Variants in DOK4 observed in about 807,000 individuals in gnomAD.
DOK4 encodes downstream of tyrosine kinase 4.
Under a neutral mutation model 40.1 loss-of-function variants are expected in DOK4, and 26 were observed. The ratio of observed to expected loss-of-function variants is 0.65; its 90% CI spans 0.48 to 0.90. The LOEUF (loss-of-function observed/expected upper bound fraction) is 0.90. Ranked by LOEUF, DOK4 falls within the 40% of genes least tolerant of loss-of-function variation. DOK4 has a pLI of 0.00. For missense variants in DOK4, 392 were observed against 437.2 expected (o/e 0.90, Z 0.92); for synonymous variants, 179 against 177.0 (o/e 1.01, Z -0.09).
chr16:57,484,984 C>T (rs944995290), intron 1 of DOK4, among the ~76,000 whole-genome samples: 12 of 152,212 alleles, frequency 7.9e-5, no homozygotes, highest in African/African-American at 2.7e-4. Flanking sequence ...GAAGGAGATG[C>T]TCAATATTTG....
chr16:57,472,707 G>A (rs1399356087), exon 9 of DOK4: 1 of 152,412 alleles, frequency 6.6e-6, no homozygotes, highest in Non-Finnish European at 1.5e-5. Flanking sequence ...GCAGGAAGGA[G>A]CCTGTGCAGA....
chr16:57,475,549 G>T (rs375338208), exon 4 of DOK4: 1 of 1,609,958 alleles, frequency 6.2e-7, no homozygotes, highest in Non-Finnish European at 8.5e-7. Flanking sequence ...CAGTGAATAT[G>T]ATGGCCACCG....
exon 9 of DOK4, chr16:57,473,462 T>G (rs746752097): frequency 6.2e-7 from 1 of 1,614,186 alleles, no homozygotes; most frequent in Non-Finnish European, 8.5e-7. Context: ...GAGGTCTGTT[T>G]CCGAGCTGGC....
exon 7 of DOK4, chr16:57,473,913 C>T (rs1335547810): frequency 1.1e-5 from 17 of 1,543,126 alleles, no homozygotes; most frequent in Non-Finnish European, 1.4e-5. Context: ...TCACGTTCTT[C>T]TCCATTTCCA....
At chr16:57,475,681 TCTCTCTCTCTC>T in intron 3 of DOK4, 61 bp from the exon 4 acceptor site, 1 of 879,028 alleles carries the variant, frequency 1.1e-6, no homozygotes, top group Non-Finnish European at 1.7e-6. Context: ...TCTCTCTCTC[TCTCTCTCTCTC>T]TCTCCCTCCC....
intron 7 of DOK4, 38 bp downstream of exon 7, chr16:57,473,863 C>T (rs760637754): frequency 1.9e-6 from 3 of 1,569,466 alleles, no homozygotes; most frequent in Admixed American, 1.8e-5. Flanking sequence ...CCCGTTCCCC[C>T]CTCCCCCCGT....
At position 57,473,512 on chromosome 16, in the gene DOK4, A is replaced by G. The variant is rs201608104; in HGVS notation, c.863-17T>C. ...ACCCCTCACCTGTGGGCACAGAAGC[A>G]GGCTCAGAACTCAGAGCTAGGTCAA... On this transcript the variant is annotated splice_polypyrimidine_tract_variant and intron_variant, in intron 8 of 8. Transcript: ENST00000340099. The G allele has an allele frequency of 7.0e-4, 1,126 of 1,614,200 alleles. 1 individual carries two copies. The highest frequency in any genetic ancestry group is 8.2e-4 in the Non-Finnish European group (970 of 1,180,016).
Position 57,479,613 on chromosome 16 carries a change from CGGGGCTGCCGCGA to C in DOK4, c.-119_-107del, listed in dbSNP as rs2031341284. 2.3e-6 allele frequency: 3 copies of C among 1,279,044 alleles called. No individual in the cohort carries two copies. The East Asian group carries it at 7.1e-5, about 30-fold the overall frequency. 79.2% of individuals were successfully genotyped at this position (1,279,044 alleles called of 1,614,324 possible). A position where few individuals can be genotyped will look rare whatever the true frequency, so the allele number is the denominator to read the frequency against. The stretch of plus-strand genomic sequence containing the variant: ...CAATCACCTGTTCCAGACACTCTGT[CGGGGCTGCCGCGA>C]GGGGCTGCTCCTCACCTCACCCGCC... On this transcript the variant is annotated 5_prime_UTR_variant, in exon 2 of 9. Transcript: ENST00000340099. The surrounding 1 kb of genome is among the most constrained non-coding windows in gnomAD (Gnocchi z 5.8).
At chr16:57,477,702 ACAGCTCTGCCG>A in intron 2 of DOK4, among the ~76,000 whole-genome samples, 1 of 152,296 alleles carries the variant, frequency 6.6e-6, no homozygotes, top group African/African-American at 2.4e-5. Flanking sequence ...ACACTCTGCC[ACAGCTCTGCCG>A]CGGGAGAAAG....
intron 2 of DOK4, among the ~76,000 whole-genome samples, chr16:57,477,738 G>A (rs2146645451): frequency 6.6e-6 from 1 of 152,318 alleles, no homozygotes; most frequent in African/African-American, 2.4e-5. Context: ...TGGCAGGTAG[G>A]AGAGCCGGCT....
In DOK4 at chr16:57,474,707, G is replaced by A. The variant is rs140498196; in HGVS notation, c.599+86C>T. 5.5e-5 allele frequency: 83 copies of A among 1,498,696 alleles called. No homozygotes were observed. In the African/African-American group the frequency reaches 9.3e-4, roughly 17 times the overall value. The allele number at this position is 1,498,696 out of a possible 1,614,324, so 92.8% of individuals were successfully genotyped here. A position where few individuals can be genotyped will look rare whatever the true frequency, so the allele number is the denominator to read the frequency against. Reference sequence around the variant, plus strand: ...ATTGCTAGGCCAATAAGTAAACCAAGCTCCTAGCACAGTGCCCAACACAGA... The same window carrying A: ...ATTGCTAGGCCAATAAGTAAACCAAACTCCTAGCACAGTGCCCAACACAGA... On this transcript the variant is annotated intron_variant, in intron 6 of 8. Coordinates refer to ENST00000340099, the Ensembl canonical transcript of DOK4.
intron 1 of DOK4, 145 bp downstream of exon 1, chr16:57,486,160 C>G (rs1329032987): frequency 6.6e-6 from 1 of 152,168 alleles, no homozygotes; most frequent in African/African-American, 2.4e-5. Flanking sequence ...CTAAGCTCCC[C>G]ACCCGAGAGT....
At position 57,485,583 on chromosome 16, in the gene DOK4, G is replaced by A. The variant is rs930845916; in HGVS notation, c.-182+722C>T. ...CCAACCCACACCCTCCATCCAAGCG[G>A]AAGCGCCCCAGCAACTGACGTGTCC... On this transcript the variant is annotated intron_variant, in intron 1 of 8. Transcript: ENST00000340099. This position sits in a 1 kb window ranked among gnomAD's most constrained non-coding sequence, Gnocchi z 4.3. Among the ~76,000 whole-genome samples, 11 of 152,198 alleles carry A rather than the reference G, an allele frequency of 7.2e-5. No individual in the cohort carries two copies. The highest frequency in any genetic ancestry group is 1.3e-4 in the Non-Finnish European group (9 of 68,042).
chr16:57,473,187 C>CA (rs1341867728), exon 9 of DOK4: 2 of 769,486 alleles, frequency 2.6e-6, no homozygotes, highest in African/African-American at 3.5e-5. Flanking sequence ...TCCAACCCCT[C>CA]ACACATGCTC....
At chr16:57,475,158 G>T (rs749843316) in exon 5 of DOK4, 7 of 1,613,888 alleles carry the variant, frequency 4.3e-6, no homozygotes, top group Admixed American at 3.3e-5. Context: ...GACTGATGTC[G>T]TTGAGGCGGG....
Position 57,473,904 on chromosome 16 carries a change from C to CA in DOK4, c.734dup (p.Arg246GlufsTer44). 1 of 1,612,690 alleles carries CA rather than the reference C, an allele frequency of 6.2e-7. No individual in the cohort carries two copies. Among genetic ancestry groups the CA allele is most frequent in the Non-Finnish European group, 8.5e-7 (1 of 1,179,436 alleles). ...GGACTGATGCCCGCTGCCTCACCCT[C>CA]ACGTTCTTCTCCATTTCCAGCAGGA... On this transcript the variant is annotated frameshift_variant, in exon 7 of 9. Coordinates refer to ENST00000340099, the Ensembl canonical transcript of DOK4. LOFTEE classifies it high-confidence loss of function.
rs1302109379 is a variant in DOK4, at chr16:57,485,917, G to A, written c.-182+388C>T. ...TTTGGAGGAGGTGAGCGAACAGGAGGCCCCGGGGAGGAGCAGGAAGGCAGA... is the reference window on the plus strand; with the variant it reads ...TTTGGAGGAGGTGAGCGAACAGGAGACCCCGGGGAGGAGCAGGAAGGCAGA... On this transcript the variant is annotated intron_variant, in intron 1 of 8. Coordinates refer to ENST00000340099, the Ensembl canonical transcript of DOK4. This position sits in a 1 kb window ranked among gnomAD's most constrained non-coding sequence, Gnocchi z 4.3. Among the ~76,000 whole-genome samples, 3 of 152,226 alleles carry A rather than the reference G, an allele frequency of 2.0e-5. No homozygotes were observed. Among genetic ancestry groups the A allele is most frequent in the Non-Finnish European group, 2.9e-5 (2 of 68,038 alleles).
intron 2 of DOK4, chr16:57,476,175 C>T: frequency 3.5e-6 from 2 of 565,030 alleles, no homozygotes; most frequent in Non-Finnish European, 3.2e-6. Flanking sequence ...TCTTGGCTGG[C>T]TCCAAAACGC....
intron 7 of DOK4, 26 bp downstream of exon 7, chr16:57,473,874 AC>A (rs1567587118): frequency 6.8e-7 from 1 of 1,462,962 alleles, no homozygotes; most frequent in Non-Finnish European, 9.5e-7. Flanking sequence ...CTCCCCCCGT[AC>A]CCTGGACTGA....
Sources: gnomAD v4.1 joint callset for allele counts (sites outside exome capture counted in the v4.1 genomes callset) on GRCh38, gnomAD v4.1.1 for gene constraint, Gnocchi (gnomAD v3.1) non-coding constraint, MANE v1.5 for transcripts, NCBI Gene and HGNC (gene_info 2026-07-23, HGNC 2026-07-21) for gene names.